Variants in SPO11 observed in about 807,000 individuals in gnomAD.
SPO11 encodes the protein meiotic recombination protein SPO11.
In SPO11, 49 loss-of-function variants were observed where a neutral mutation model predicts 51.6. That is an observed-to-expected ratio of 0.95 (90% confidence interval 0.75 to 1.20). The LOEUF (loss-of-function observed/expected upper bound fraction) is 1.20. SPO11 is among the 50% of genes most tolerant of loss of function. The pLI is 0.00. For synonymous variants in SPO11, 176 were observed against 158.2 expected (o/e 1.11, Z -0.84); for missense variants, 431 against 473.4 (o/e 0.91, Z 0.83).
At chr20:57,333,157 C>G in intron 2 of SPO11, 31 bp from the exon 3 acceptor site, 1 of 1,550,710 alleles carries the variant, frequency 6.4e-7, no homozygotes, top group Non-Finnish European at 8.7e-7. Context: ...GTCTTTTTCA[C>G]TTTTTTCCTT....
At chr20:57,336,126 G>T (rs1293775725) in intron 8 of SPO11, among the ~76,000 whole-genome samples, 1 of 151,878 alleles carries the variant, frequency 6.6e-6, no homozygotes, top group East Asian at 1.9e-4. Context: ...GTCTCGCTCT[G>T]TTGCCCAGGC....
intron 6 of SPO11, 48 bp from the exon 7 acceptor site, chr20:57,335,371 T>TGTG (rs2066499072): frequency 6.7e-7 from 1 of 1,495,852 alleles, no homozygotes; most frequent in Non-Finnish European, 9.2e-7. Flanking sequence ...AAACTAAAAA[T>TGTG]GTGGTTATTT....
At chr20:57,338,159 G>A (rs2066535906) in intron 8 of SPO11, 117 bp from the exon 9 acceptor site, 2 of 775,856 alleles carry the variant, frequency 2.6e-6, no homozygotes, top group South Asian at 3.4e-5. Context: ...CCAACGTGCT[G>A]GGATTACAGG....
intron 11 of SPO11, among the ~76,000 whole-genome samples, chr20:57,340,863 T>C (rs2066573402): frequency 6.6e-6 from 1 of 152,228 alleles, no homozygotes; most frequent in Non-Finnish European, 1.5e-5. Flanking sequence ...AGATTTAAAT[T>C]TTTAACTTCA....
chr20:57,336,545 T>A (rs1202106735), intron 8 of SPO11, among the ~76,000 whole-genome samples: 1 of 152,200 alleles, frequency 6.6e-6, no homozygotes, highest in Non-Finnish European at 1.5e-5. Flanking sequence ...CAAATCTGGA[T>A]GCCTCTGTGG....
At chr20:57,336,494 G>A (rs1318654118) in intron 8 of SPO11, among the ~76,000 whole-genome samples, 1 of 152,014 alleles carries the variant, frequency 6.6e-6, no homozygotes, top group African/African-American at 2.4e-5. Context: ...TTCCCTCCTT[G>A]CCAGTTCAAA....
intron 4 of SPO11, 41 bp from the exon 5 acceptor site, chr20:57,333,946 G>T (rs2066479690): frequency 8.2e-7 from 1 of 1,221,090 alleles, no homozygotes. Flanking sequence ...TATTCAAAAA[G>T]AATATAGTTA....
In SPO11 at chr20:57,329,924, C is replaced by A; in HGVS notation, c.57C>A (p.His19Gln). Residue 19 changes from histidine (H) to glutamine (Q), a missense_variant, in exon 1 of 13, where the codon CAC becomes CAA. Physicochemically the swap from His to Gln is conservative, Grantham distance 24. Around this residue, in one of 3 missense-constraint regions of SPO11, gnomAD observed 405 missense variants for 425.9 expected, o/e 0.95. Transcript: ENST00000371263. The stretch of plus-strand genomic sequence containing the variant: ...CGTTCTTCGACGTTTTGGACCGACA[C>A]AGGGAGTCCCTGCTGGCTGCCCTGA... ...EASFFDVLDR[H>Q]RESLLAALRR... 1 of 1,613,872 alleles carries A rather than the reference C, an allele frequency of 6.2e-7. No individual in the cohort carries two copies.
At chr20:57,336,286 C>T (rs572684775) in intron 8 of SPO11, among the ~76,000 whole-genome samples, 28 of 152,344 alleles carry the variant, frequency 1.8e-4, no homozygotes, top group African/African-American at 6.5e-4. Context: ...GAGGTCCACA[C>T]GTCAGAGTCA....
In SPO11 at chr20:57,329,860, C is replaced by T. The variant is rs2066420608; in HGVS notation, c.-8C>T. The T allele has an allele frequency of 2.5e-6, 4 of 1,611,220 alleles. No individual in the cohort carries two copies. The highest frequency in any genetic ancestry group is 1.7e-5 in the Admixed American group (1 of 59,824). ...GGCTTCTGGAGCTTCTGGCAGCCGT[C>T]TGCCCTCATGGCCTTTGCACCTATG... On this transcript the variant is annotated 5_prime_UTR_variant, in exon 1 of 13. Transcript: ENST00000371263.
At chr20:57,337,772 G>C in intron 8 of SPO11, 2 of 1,307,996 alleles carry the variant, frequency 1.5e-6, no homozygotes, top group Non-Finnish European at 2.0e-6. Flanking sequence ...GAAATCCAAG[G>C]TAGGAAGATG....
In SPO11 at chr20:57,343,490, G is replaced by A; in HGVS notation, c.*30G>A. The stretch of plus-strand genomic sequence containing the variant: ...AAATCAGAAGAACTTCTGATTGCCA[G>A]AGGCTTTTCATTAGTTTTGTTTTGA... On this transcript the variant is annotated 3_prime_UTR_variant, in exon 13 of 13. Transcript: ENST00000371263. 2 of 1,572,372 alleles carry A rather than the reference G, an allele frequency of 1.3e-6. No individual in the cohort carries two copies. Among genetic ancestry groups the A allele is most frequent in the African/African-American group, 1.4e-5 (1 of 72,412 alleles).
In SPO11 at chr20:57,337,006, G is replaced by T. The variant is rs2066520694; in HGVS notation, c.744+1099G>T. ...GATTTGAATAGTTGAAATCCATGTTGCTATAATGCCATCACTTGGTGTGAT... is the reference window on the plus strand; with the variant it reads ...GATTTGAATAGTTGAAATCCATGTTTCTATAATGCCATCACTTGGTGTGAT... On this transcript the variant is annotated intron_variant, in intron 8 of 12. Coordinates refer to ENST00000371263, the MANE Select transcript of SPO11 (RefSeq NM_012444.3). Among the ~76,000 whole-genome samples the T allele has an allele frequency of 2.0e-5, 3 of 152,232 alleles. No homozygotes were observed. In the South Asian group the frequency reaches 6.2e-4, roughly 32 times the overall value.
chr20:57,329,826 T>TA lies in SPO11; in HGVS notation c.-41dup, dbSNP rs1393536984. On this transcript the variant is annotated 5_prime_UTR_variant, in exon 1 of 13. Coordinates refer to ENST00000371263, the MANE Select transcript of SPO11 (RefSeq NM_012444.3). ...GCAGCCACGCCCCAAGGGCGCAGCC[T>TA]AGGACAGGGGCTTCTGGAGCTTCTG... The TA allele has an allele frequency of 8.8e-6, 14 of 1,592,474 alleles. No homozygotes were observed. The highest frequency in any genetic ancestry group is 1.2e-5 in the Non-Finnish European group (14 of 1,168,044).
intron 6 of SPO11, among the ~76,000 whole-genome samples, 174 bp downstream of exon 6, chr20:57,335,010 A>C (rs2066494873): frequency 6.6e-6 from 1 of 152,246 alleles, no homozygotes; most frequent in Non-Finnish European, 1.5e-5. Flanking sequence ...GTTTCAAATT[A>C]TGCTAATTGT....
At chr20:57,332,566 A>G (rs1208012738) in intron 2 of SPO11, among the ~76,000 whole-genome samples, 2 of 152,290 alleles carry the variant, frequency 1.3e-5, no homozygotes, top group South Asian at 4.1e-4. Flanking sequence ...AGTCTCCTTC[A>G]TCACTGTTGT....
chr20:57,331,007 TC>T lies in SPO11; in HGVS notation c.132-825del, dbSNP rs575341288. 3.7e-4 allele frequency among the ~76,000 whole-genome samples: 56 copies of T among 152,376 alleles called. No homozygotes were observed. In the East Asian group the frequency reaches 9.6e-3, roughly 26 times the overall value. On this transcript the variant is annotated intron_variant, in intron 1 of 12. Transcript: ENST00000371263. ...AATTCATTTTCTGAAACACAAGTTT[TC>T]AGTAAAAATTCTGAAGTTCCTGTGG...
intron 10 of SPO11, among the ~76,000 whole-genome samples, chr20:57,339,804 T>C (rs2066558251): frequency 6.6e-6 from 1 of 152,202 alleles, no homozygotes; most frequent in South Asian, 2.1e-4. Flanking sequence ...GGTGGTGCAG[T>C]GACAGCTCAC....
intron 11 of SPO11, 94 bp from the exon 12 acceptor site, chr20:57,342,635 T>A: frequency 1.4e-6 from 1 of 696,020 alleles, no homozygotes; most frequent in Non-Finnish European, 2.5e-6. Flanking sequence ...ATTTCTGAGT[T>A]TCTTGAAGTA....
Sources: allele counts gnomAD v4.1 joint callset (sites outside exome capture counted in the v4.1 genomes callset), GRCh38; gene constraint gnomAD v4.1.1; regional missense constraint gnomAD v4.1.1; transcripts MANE v1.5; gene names NCBI Gene and HGNC (gene_info 2026-07-23, HGNC 2026-07-21).